VPS13B: variants seen among roughly 807,000 people sequenced by gnomAD.
The protein encoded by VPS13B is intermembrane lipid transfer protein VPS13B.
Under a neutral mutation model 426.4 loss-of-function variants are expected in VPS13B, and 285 were observed. The observed-to-expected ratio is 0.67, with a 90% CI of 0.61 to 0.74. VPS13B has a LOEUF of 0.74. Ranked by LOEUF, VPS13B falls within the 30% of genes least tolerant of loss-of-function variation. The pLI, the probability that VPS13B is intolerant of heterozygous loss-of-function variation, is 0.00. For synonymous variants in VPS13B, 1,676 were observed against 1,676.4 expected, an observed-to-expected ratio of 1.00 and a Z score of 0.01; for missense variants, 4,537 against 4,782.6, an observed-to-expected ratio of 0.95 and a Z score of 1.51.
At chr8:99,349,938 A>T (rs1811784286) in intron 19 of VPS13B, among the ~76,000 whole-genome samples, 1 of 152,172 alleles carries the variant, frequency 6.6e-6, no homozygotes, top group Non-Finnish European at 1.5e-5. Flanking sequence ...ACCATCATAG[A>T]GCATATGAGT....
At chr8:99,662,469 G>C (rs1370776354) in intron 35 of VPS13B, among the ~76,000 whole-genome samples, 2 of 151,286 alleles carry the variant, frequency 1.3e-5, no homozygotes, top group African/African-American at 2.4e-5. Context: ...TATTTTTTGA[G>C]ACCATCTTGC....
chr8:99,647,466 C>T (rs559876199), intron 34 of VPS13B, among the ~76,000 whole-genome samples: 20 of 150,320 alleles, frequency 1.3e-4, no homozygotes, highest in Admixed American at 6.0e-4. Flanking sequence ...GAGGCTGAGG[C>T]GGAAGAATCA....
At chr8:99,592,281 T>C (rs1042133144) in intron 33 of VPS13B, among the ~76,000 whole-genome samples, 3 of 152,026 alleles carry the variant, frequency 2.0e-5, no homozygotes, top group African/African-American at 7.2e-5. Context: ...AGCTTGGAGA[T>C]GTTTGTCATT....
At chr8:99,465,097 G>A (rs1389205203) in intron 23 of VPS13B, among the ~76,000 whole-genome samples, 2 of 152,148 alleles carry the variant, frequency 1.3e-5, no homozygotes, top group Admixed American at 6.5e-5. Context: ...AGCCCAGATT[G>A]ATAGAAAGCT....
intron 19 of VPS13B, among the ~76,000 whole-genome samples, chr8:99,324,074 C>A (rs749712311): frequency 6.6e-6 from 1 of 152,112 alleles, no homozygotes; most frequent in Non-Finnish European, 1.5e-5. Flanking sequence ...ATGATTCTTG[C>A]GGGAGGTCTT....
Position 99,740,350 on chromosome 8 carries a change from G to C in VPS13B, c.7050+19303G>C, listed in dbSNP as rs781378651. Among the ~76,000 whole-genome samples the C allele has an allele frequency of 2.9e-4, 44 of 152,172 alleles. 1 individual carries two copies. The highest frequency in any genetic ancestry group is 5.9e-5 in the Non-Finnish European group (4 of 68,040). Reference sequence around the variant, plus strand: ...AAAAGACCAAATCTACGTCTGACTGGTGTACCTAAAAGTGACGGGGAGAAT... The same window carrying C: ...AAAAGACCAAATCTACGTCTGACTGCTGTACCTAAAAGTGACGGGGAGAAT... On this transcript the variant is annotated intron_variant, in intron 39 of 61. Coordinates refer to ENST00000357162, the MANE Select transcript of VPS13B (RefSeq NM_152564.5).
intron 8 of VPS13B, among the ~76,000 whole-genome samples, chr8:99,131,553 T>C (rs892835171): frequency 5.3e-5 from 8 of 152,294 alleles, no homozygotes; most frequent in African/African-American, 1.9e-4. Context: ...AATTTTTTGT[T>C]TTGCCTAATG....
At chr8:99,496,047 G>A (rs997599519) in intron 25 of VPS13B, among the ~76,000 whole-genome samples, 62 of 152,234 alleles carry the variant, frequency 4.1e-4, no homozygotes, top group African/African-American at 1.4e-3. Context: ...TAATTCCAAA[G>A]TGGGCTGGGA....
At chr8:99,501,646 T>C in intron 25 of VPS13B, 41 bp from the exon 26 acceptor site, 1 of 1,592,390 alleles carries the variant, frequency 6.3e-7, no homozygotes, top group Admixed American at 1.7e-5. Context: ...GTTATTTTTG[T>C]TTATGTTACA....
At chr8:99,079,972 A>G (rs942145795) in intron 3 of VPS13B, among the ~76,000 whole-genome samples, 2 of 151,028 alleles carry the variant, frequency 1.3e-5, no homozygotes, top group Non-Finnish European at 3.0e-5. Flanking sequence ...TGCCTGTTCA[A>G]GTTTTTTTAG....
intron 56 of VPS13B, among the ~76,000 whole-genome samples, chr8:99,857,604 G>A (rs538918639): frequency 4.6e-5 from 7 of 152,182 alleles, no homozygotes; most frequent in Non-Finnish European, 1.0e-4. Flanking sequence ...CAGCCCACAG[G>A]TGGATCATCC....
At chr8:99,258,041 C>G (rs1482858926) in intron 17 of VPS13B, among the ~76,000 whole-genome samples, 3 of 149,650 alleles carry the variant, frequency 2.0e-5, no homozygotes, top group Non-Finnish European at 3.0e-5. Context: ...ATATCAATGC[C>G]ATGTGTTTTT....
intron 23 of VPS13B, among the ~76,000 whole-genome samples, chr8:99,444,648 A>G (rs1453311391): frequency 6.6e-6 from 1 of 151,950 alleles, no homozygotes; most frequent in African/African-American, 2.4e-5. Flanking sequence ...CCATTTGTAT[A>G]TCTTCTTTAA....
intron 3 of VPS13B, among the ~76,000 whole-genome samples, chr8:99,048,834 T>C (rs2132255598): frequency 6.6e-6 from 1 of 152,014 alleles, no homozygotes; most frequent in South Asian, 2.1e-4. Flanking sequence ...AAAGAAAATT[T>C]GGGAGCTCCA....
At chr8:99,723,555 A>G (rs545433848) in intron 39 of VPS13B, among the ~76,000 whole-genome samples, 37 of 152,182 alleles carry the variant, frequency 2.4e-4, no homozygotes, top group African/African-American at 8.9e-4. Context: ...AGATATTATG[A>G]TGACTATTGT....
chr8:99,513,913 G>A (rs1821921583), intron 29 of VPS13B, among the ~76,000 whole-genome samples: 1 of 152,146 alleles, frequency 6.6e-6, no homozygotes, highest in African/African-American at 2.4e-5. Flanking sequence ...GCTCCTCAAT[G>A]TGGGCATTTG....
chr8:99,122,629 A>G (rs1026656110), intron 8 of VPS13B, among the ~76,000 whole-genome samples: 1 of 152,172 alleles, frequency 6.6e-6, no homozygotes, highest in African/African-American at 2.4e-5. Context: ...ATTACCATAC[A>G]TGTAATATTC....
chr8:99,408,866 G>A (rs1815470133), intron 21 of VPS13B, among the ~76,000 whole-genome samples: 1 of 152,182 alleles, frequency 6.6e-6, no homozygotes, highest in Non-Finnish European at 1.5e-5. Flanking sequence ...GGTAGAATGG[G>A]AACATGGAGA....
At chr8:99,854,701 C>T (rs1816460969) in intron 56 of VPS13B, among the ~76,000 whole-genome samples, 2 of 152,180 alleles carry the variant, frequency 1.3e-5, no homozygotes, top group African/African-American at 2.4e-5. Flanking sequence ...TTCAGTCCCT[C>T]GGCCTAAAAG....
Sources: gnomAD v4.1 joint callset for allele counts (sites outside exome capture counted in the v4.1 genomes callset) on GRCh38, gnomAD v4.1.1 for gene constraint, MANE v1.5 for transcripts, NCBI Gene and HGNC (gene_info 2026-07-23, HGNC 2026-07-21) for gene names.